PIGK: variants seen among roughly 807,000 people sequenced by gnomAD.
PIGK encodes phosphatidylinositol glycan anchor biosynthesis class K, also known as GPI-anchor transamidase.
Under a neutral mutation model 50.6 loss-of-function variants are expected in PIGK, and 42 were observed. That is an observed-to-expected ratio of 0.83 (90% CI 0.65 to 1.07). PIGK has a LOEUF of 1.07. Ranked by LOEUF, PIGK falls within the 50% of genes least tolerant of loss-of-function variation. PIGK has a pLI of 0.00. For synonymous variants in PIGK, 151 were observed against 156.0 expected, an observed-to-expected ratio of 0.97 and a Z score of 0.24; for missense variants, 448 against 488.7, an observed-to-expected ratio of 0.92 and a Z score of 0.78.
At chr1:77,210,955 C>A (rs61018612) in intron 1 of PIGK, among the ~76,000 whole-genome samples, 2,140 of 151,832 alleles carry the variant, frequency 0.014, 56 homozygotes, top group African/African-American at 0.049. Flanking sequence ...TTTCCCGTAC[C>A]CTGAGAATTA....
chr1:77,199,908 G>A (rs565886036), intron 3 of PIGK, among the ~76,000 whole-genome samples: 1 of 152,166 alleles, frequency 6.6e-6, no homozygotes, highest in Non-Finnish European at 1.5e-5. Flanking sequence ...GTATAATTAT[G>A]TGCACTCATC....
At chr1:77,190,134 T>C (rs1161043103) in intron 3 of PIGK, among the ~76,000 whole-genome samples, 2 of 152,026 alleles carry the variant, frequency 1.3e-5, no homozygotes, top group Non-Finnish European at 2.9e-5. Flanking sequence ...ATGCCTGTAA[T>C]CTTGACACTT....
chr1:77,199,247 ATAT>A (rs1656106354), intron 3 of PIGK, among the ~76,000 whole-genome samples: 1 of 152,052 alleles, frequency 6.6e-6, no homozygotes, highest in African/African-American at 2.4e-5. Flanking sequence ...TCTATTCAAG[ATAT>A]TATACACTTC....
chr1:77,153,253 G>A (rs1654931419), intron 9 of PIGK, among the ~76,000 whole-genome samples: 1 of 152,126 alleles, frequency 6.6e-6, no homozygotes, highest in African/African-American at 2.4e-5. Flanking sequence ...AAATATGCCA[G>A]GCACAGAAAG....
intron 10 of PIGK, among the ~76,000 whole-genome samples, chr1:77,103,338 T>G (rs889894947): frequency 7.9e-5 from 12 of 152,222 alleles, no homozygotes; most frequent in African/African-American, 2.7e-4. Flanking sequence ...ATTTTTTAGT[T>G]CTTAACTGAG....
At chr1:77,127,516 T>G (rs902626709) in intron 9 of PIGK, among the ~76,000 whole-genome samples, 2 of 152,114 alleles carry the variant, frequency 1.3e-5, no homozygotes, top group Non-Finnish European at 2.9e-5. Context: ...CTGGGTTACA[T>G]AGTGAGACCC....
intron 6 of PIGK, among the ~76,000 whole-genome samples, chr1:77,163,411 T>A (rs1570234714): frequency 6.6e-6 from 1 of 152,174 alleles, no homozygotes; most frequent in Non-Finnish European, 1.5e-5. Flanking sequence ...CAATCATCCT[T>A]AATGTGAGTT....
intron 3 of PIGK, among the ~76,000 whole-genome samples, chr1:77,184,303 T>A (rs1296077278): frequency 1.3e-5 from 2 of 152,052 alleles, no homozygotes; most frequent in Non-Finnish European, 2.9e-5. Flanking sequence ...AAAAGACTGA[T>A]TTGAATTACA....
intron 9 of PIGK, 28 bp from the exon 10 acceptor site, chr1:77,122,387 G>T: frequency 8.1e-7 from 1 of 1,235,146 alleles, no homozygotes; most frequent in Non-Finnish European, 1.2e-6. Context: ...AAAACACAGA[G>T]CTAAGGCAAA....
chr1:77,177,958 C>T (rs749648412), intron 3 of PIGK, among the ~76,000 whole-genome samples: 112 of 152,262 alleles, frequency 7.4e-4, no homozygotes, highest in Admixed American at 1.4e-3. Flanking sequence ...GGCATCTTTT[C>T]CCAAGATGAC....
At chr1:77,125,910 C>T (rs1367109097) in intron 9 of PIGK, among the ~76,000 whole-genome samples, 1 of 152,112 alleles carries the variant, frequency 6.6e-6, no homozygotes, top group African/African-American at 2.4e-5. Flanking sequence ...TTTCTTGGCT[C>T]TTTCCATTCT....
At chr1:77,171,435 TCAAAAAAAA>T (rs1325306486) in intron 3 of PIGK, among the ~76,000 whole-genome samples, 1 of 6,038 alleles carries the variant, frequency 1.7e-4, no homozygotes, top group African/African-American at 2.7e-4. Context: ...AGACTCCACC[TCAAAAAAAA>T]AAAAAAAAAA....
At chr1:77,139,993 T>C (rs1654612205) in intron 9 of PIGK, among the ~76,000 whole-genome samples, 1 of 152,194 alleles carries the variant, frequency 6.6e-6, no homozygotes, top group Admixed American at 6.5e-5. Context: ...TCTAATGAAA[T>C]GTGAAACTAT....
intron 3 of PIGK, 74 bp downstream of exon 3, chr1:77,206,566 T>A: frequency 2.3e-6 from 2 of 862,650 alleles, no homozygotes; most frequent in South Asian, 1.6e-5. Context: ...TAACACAAAA[T>A]ACAAATATAA....
At chr1:77,093,070 C>T (rs1653334564) in intron 10 of PIGK, among the ~76,000 whole-genome samples, 1 of 152,016 alleles carries the variant, frequency 6.6e-6, no homozygotes, top group Non-Finnish European at 1.5e-5. Context: ...ATTCATTGTG[C>T]CTATTCAAAA....
chr1:77,194,404 G>T (rs1570255427), intron 3 of PIGK, among the ~76,000 whole-genome samples: 1 of 151,974 alleles, frequency 6.6e-6, no homozygotes, highest in East Asian at 1.9e-4. Flanking sequence ...CATAAATAGT[G>T]GATTGGATAA....
intron 9 of PIGK, among the ~76,000 whole-genome samples, chr1:77,132,280 A>T (rs1297183189): frequency 2.0e-5 from 3 of 151,838 alleles, no homozygotes; most frequent in Non-Finnish European, 4.4e-5. Context: ...TACAACTACT[A>T]CCTATTTTCT....
intron 10 of PIGK, among the ~76,000 whole-genome samples, chr1:77,100,982 A>G (rs1408009226): frequency 6.6e-6 from 1 of 152,216 alleles, no homozygotes; most frequent in African/African-American, 2.4e-5. Flanking sequence ...CCCTGAACAG[A>G]GGAACTAACT....
chr1:77,150,244 G>A (rs536941093), intron 9 of PIGK, among the ~76,000 whole-genome samples: 69 of 152,094 alleles, frequency 4.5e-4, no homozygotes, highest in South Asian at 1.0e-3. Context: ...CAGACTGGGC[G>A]CAGTGGCTTA....
Sources: allele counts gnomAD v4.1 joint callset (sites outside exome capture counted in the v4.1 genomes callset), GRCh38; gene constraint gnomAD v4.1.1; transcripts MANE v1.5; gene names NCBI Gene and HGNC (gene_info 2026-07-23, HGNC 2026-07-21).